Variants in C1QTNF5 observed in about 807,000 individuals in gnomAD.
The protein encoded by C1QTNF5 is C1q and TNF related 5.
Under a neutral mutation model 10.9 loss-of-function variants are expected in C1QTNF5, and 5 were observed. That is an observed-to-expected ratio of 0.46 (90% CI 0.24 to 0.97). The LOEUF is 0.97. Among genes scored for constraint, C1QTNF5 ranks in the 50% least tolerant of loss-of-function variants. C1QTNF5 has a pLI of 0.19. For missense variants in C1QTNF5, 281 were observed against 339.4 expected (o/e 0.83, Z 1.35); for synonymous variants, 161 against 156.5 (o/e 1.03, Z -0.22).
At chr11:119,345,135 T>A, upstream of C1QTNF5, 1 of 1,233,068 alleles carries the variant, frequency 8.1e-7, no homozygotes, top group Non-Finnish European at 1.1e-6. Context: ...AAGGCTCCTC[T>A]GATGTCCCAG....
At position 119,340,302 on chromosome 11, in the gene C1QTNF5, G is replaced by A; in HGVS notation, c.96C>T (p.Pro32=). ...GGTGGCCCGGCGTGCCTGGAAGGCC[G>A]GGGTGCCCCGGGCAGAGGCTGGGGA... The part of the protein sequence containing the change: ...NKIPSLCPGH[P]GLPGTPGHHG... The change falls in exon 2 of 3, where the codon CCC becomes CCT. Residue 32 remains proline, a synonymous_variant. Coordinates refer to ENST00000528368, the MANE Select transcript of C1QTNF5 (RefSeq NM_001278431.2). 1 of 1,535,512 alleles carries A rather than the reference G, an allele frequency of 6.5e-7. No individual in the cohort carries two copies.
At chr11:119,341,945 C>G (rs773764110), upstream of C1QTNF5, 2 of 1,613,852 alleles carry the variant, frequency 1.2e-6, no homozygotes, top group African/African-American at 2.7e-5. Context: ...GTAGCTCAGA[C>G]CGAGGCACAT....
chr11:119,344,182 A>G (rs1265554833), upstream of C1QTNF5: 1 of 997,118 alleles, frequency 1.0e-6, no homozygotes, highest in African/African-American at 1.6e-5. Flanking sequence ...ATATTCCCCC[A>G]TCCCCCGTCT....
At chr11:119,342,710 C>A (rs754348823), upstream of C1QTNF5, 1 of 1,613,464 alleles carries the variant, frequency 6.2e-7, no homozygotes, top group South Asian at 1.1e-5. Context: ...CAGGAGAGCT[C>A]ACTGGGCCCA....
chr11:119,339,778 G>C lies in C1QTNF5; in HGVS notation c.285C>G (p.Ala95=), dbSNP rs1187454408. 4 of 1,542,186 alleles carry C rather than the reference G, an allele frequency of 2.6e-6. No homozygotes were observed. In the African/African-American group the frequency reaches 4.1e-5, roughly 16 times the overall value. Reference sequence around the variant, plus strand: ...ATCGCGGAGGCACCGAGCACTCCCCGGCAGGCCCGGTGGGCCCCGCGGGTC... The same window carrying C: ...ATCGCGGAGGCACCGAGCACTCCCCCGCAGGCCCGGTGGGCCCCGCGGGTC... ...EAGPAGPTGP[A]GECSVPPRSA... Residue 95 remains alanine (A), a synonymous_variant, in exon 3 of 3, where the codon GCC becomes GCG. Coordinates refer to ENST00000528368, the MANE Select transcript of C1QTNF5 (RefSeq NM_001278431.2). The surrounding 1 kb of genome is among the most constrained non-coding windows in gnomAD (Gnocchi z 5.4).
upstream of C1QTNF5, chr11:119,341,823 C>T (rs1410663245): frequency 1.9e-6 from 3 of 1,613,346 alleles, no homozygotes; most frequent in African/African-American, 4.0e-5. Context: ...TCCTCCCCTC[C>T]CAGGCCCGCC....
upstream of C1QTNF5, chr11:119,342,126 A>G (rs1488740245): frequency 1.8e-5 from 18 of 1,006,770 alleles, no homozygotes; most frequent in Non-Finnish European, 2.5e-5. Context: ...ACAAAGAGAC[A>G]GGCTGTACAC....
At position 119,339,939 on chromosome 11, in the gene C1QTNF5, C is replaced by T. The variant is rs1950483487; in HGVS notation, c.215-91G>A. 7.2e-7 allele frequency: 1 copy of T among 1,396,740 alleles called. No individual in the cohort carries two copies. Among genetic ancestry groups the T allele is most frequent in the Non-Finnish European group, 9.3e-7 (1 of 1,075,772 alleles). The allele number at this position is 1,396,740 out of a possible 1,614,324, so 86.5% of individuals were successfully genotyped here. ...CTAAGGTCACCGTACCCCTCCCCGC[C>T]CCTGCCTGAGCTTCGGCCAGCGCCT... is the stretch of plus-strand genomic sequence containing the variant. On this transcript the variant is annotated intron_variant, in intron 2 of 2. Coordinates refer to ENST00000528368, the MANE Select transcript of C1QTNF5 (RefSeq NM_001278431.2). The surrounding 1 kb of genome is among the most constrained non-coding windows in gnomAD (Gnocchi z 5.4).
upstream of C1QTNF5, chr11:119,344,226 T>C: frequency 1.6e-6 from 2 of 1,258,122 alleles, no homozygotes; most frequent in South Asian, 2.4e-5. Flanking sequence ...TAGAAGGTAG[T>C]GTCTACCATG....
chr11:119,344,493 G>A (rs1950538271), upstream of C1QTNF5: 2 of 1,568,566 alleles, frequency 1.3e-6, no homozygotes, highest in Non-Finnish European at 1.7e-6. Flanking sequence ...ATGCCCATGG[G>A]AAACAAGTTC....
chr11:119,345,145 G>A, upstream of C1QTNF5: 1 of 1,141,588 alleles, frequency 8.8e-7, no homozygotes, highest in Non-Finnish European at 1.2e-6. Flanking sequence ...TGATGTCCCA[G>A]GGAGCTCTGA....
chr11:119,343,361 AAG>A (rs1204574388), upstream of C1QTNF5, among the ~76,000 whole-genome samples: 1 of 152,152 alleles, frequency 6.6e-6, no homozygotes, highest in Admixed American at 6.5e-5. Flanking sequence ...AAAATTAAAA[AAG>A]TAAATTATCT....
At chr11:119,344,559 G>C, upstream of C1QTNF5, 2 of 1,611,198 alleles carry the variant, frequency 1.2e-6, no homozygotes, top group Middle Eastern at 1.8e-4. Flanking sequence ...TTTGAGGCTG[G>C]ACCAGAGCTG....
At chr11:119,342,959 T>C (rs529813598), upstream of C1QTNF5, 13 of 1,611,450 alleles carry the variant, frequency 8.1e-6, no homozygotes, top group Non-Finnish European at 1.1e-5. Context: ...AGCCAGCTCA[T>C]GGTGCGAGGA....
At chr11:119,345,247 G>C (rs1266140592), upstream of C1QTNF5, among the ~76,000 whole-genome samples, 1 of 152,234 alleles carries the variant, frequency 6.6e-6, no homozygotes, top group African/African-American at 2.4e-5. Context: ...ACAGGTGAGA[G>C]AGGGGAAGTG....
upstream of C1QTNF5, chr11:119,345,920 C>G (rs926472743): frequency 6.2e-7 from 1 of 1,613,690 alleles, no homozygotes; most frequent in South Asian, 1.1e-5. Flanking sequence ...GGGGGTGCAG[C>G]CTGCAGCTCT....
chr11:119,345,271 C>T (rs1347693637), upstream of C1QTNF5: 1 of 850,942 alleles, frequency 1.2e-6, no homozygotes, highest in Non-Finnish European at 1.9e-6. Flanking sequence ...TTCCTCACGG[C>T]ACACAGCAAG....
the C1QTNF5 span, chr11:119,346,597 G>A: frequency 2.1e-6 from 3 of 1,405,946 alleles, no homozygotes; most frequent in Non-Finnish European, 3.0e-6. Context: ...CAAACTCCCT[G>A]TCAGAGGGGC....
chr11:119,341,533 G>A (rs1382095043), upstream of C1QTNF5: 5 of 1,607,776 alleles, frequency 3.1e-6, no homozygotes, highest in South Asian at 4.4e-5. Context: ...AAGAGGGCAG[G>A]GGCCGGCTTC....
Sources: allele counts gnomAD v4.1 joint callset (sites outside exome capture counted in the v4.1 genomes callset), GRCh38; gene constraint gnomAD v4.1.1; non-coding constraint Gnocchi (gnomAD v3.1); transcripts MANE v1.5; gene names NCBI Gene and HGNC (gene_info 2026-07-23, HGNC 2026-07-21).